The following BCOR variants were observed in gnomAD, a reference collection of about 807,000 sequenced individuals.
BCOR encodes the protein BCL6 corepressor.
BCOR carries 10 observed loss-of-function variants against 86.7 expected under a neutral mutation model. The ratio of observed to expected loss-of-function variants is 0.12; its 90% CI spans 0.07 to 0.20. The LOEUF (loss-of-function observed/expected upper bound fraction) is 0.20. Ranked by LOEUF, BCOR falls within the 10% of genes least tolerant of loss-of-function variation. The pLI is 1.00. For synonymous variants in BCOR, 611 were observed against 609.0 expected, an observed-to-expected ratio of 1.00 and a Z score of -0.05; for missense variants, 1,259 against 1,452.1, an observed-to-expected ratio of 0.87 and a Z score of 2.16.
chrX:40,081,491 G>A (rs996269633), intron 1 of BCOR, among the ~76,000 whole-genome samples: 1 of 112,657 alleles, frequency 8.9e-6, no homozygotes, highest in African/African-American at 3.2e-5. Context: ...ACCCTTGGCA[G>A]CGGAACACTG....
At chrX:40,071,780 A>C (rs2147190670) in intron 4 of BCOR, 90 bp from the exon 5 acceptor site, 1 of 631,188 alleles carries the variant, frequency 1.6e-6, no homozygotes, top group South Asian at 2.5e-5. Flanking sequence ...TAACATTGCA[A>C]AACAATTTGG....
At position 40,160,744 on chromosome X, in the gene BCOR, A is replaced by G. The variant is rs772754689; in HGVS notation, c.-41+16263T>C. 2.5e-3 allele frequency among the ~76,000 whole-genome samples: 244 copies of G among 97,454 alleles called. 2 individuals carry two copies. Among genetic ancestry groups the G allele is most frequent in the African/African-American group, 8.9e-3 (233 of 26,056 alleles). 84.6% of individuals were successfully genotyped at this position (97,454 alleles called of 115,157 possible). A position where few individuals can be genotyped will look rare whatever the true frequency, so the allele number is the denominator to read the frequency against. On this transcript the variant is annotated intron_variant, in intron 1 of 14. Coordinates refer to the BCOR transcript ENST00000342274. ...AGTGGCACAATCTCGGCTTACTGCA[A>G]CCTCCACCTCCCAGGTTCAAACAAT...
chrX:40,112,362 G>A (rs770207795), intron 1 of BCOR, among the ~76,000 whole-genome samples: 4 of 110,613 alleles, frequency 3.6e-5, no homozygotes, highest in Non-Finnish European at 7.6e-5. Context: ...TTGCATCTAC[G>A]CTCAGCTTAA....
chrX:40,115,928 A>G (rs1195033239), intron 1 of BCOR, among the ~76,000 whole-genome samples: 4 of 111,593 alleles, frequency 3.6e-5, no homozygotes, highest in Non-Finnish European at 7.5e-5. Context: ...TTGCCCTTTC[A>G]TATTCCTGGG....
intron 1 of BCOR, among the ~76,000 whole-genome samples, chrX:40,154,336 T>A (rs1233906630): frequency 9.2e-6 from 1 of 108,690 alleles, no homozygotes; most frequent in East Asian, 3.0e-4. Context: ...TCGCGGAGTG[T>A]ACAGATGTGA....
intron 1 of BCOR, among the ~76,000 whole-genome samples, chrX:40,096,405 A>G (rs1335782464): frequency 8.9e-6 from 1 of 111,983 alleles, no homozygotes; most frequent in African/African-American, 3.2e-5. Context: ...GGAAAGCGGG[A>G]GGGGGATCGC....
chrX:40,122,207 G>A (rs748854678), intron 1 of BCOR, among the ~76,000 whole-genome samples: 1 of 111,441 alleles, frequency 9.0e-6, no homozygotes, highest in South Asian at 3.8e-4. Context: ...TTTGCCAGGG[G>A]TACATGCATC....
chrX:40,085,962 T>C (rs769044333), intron 1 of BCOR, among the ~76,000 whole-genome samples: 2 of 112,018 alleles, frequency 1.8e-5, no homozygotes, highest in Non-Finnish European at 3.8e-5. Flanking sequence ...CCTGTTGCTG[T>C]GGGCATCTAG....
intron 1 of BCOR, among the ~76,000 whole-genome samples, chrX:40,123,731 C>T (rs1057135050): frequency 9.0e-6 from 1 of 110,788 alleles, no homozygotes; most frequent in African/African-American, 3.3e-5. Context: ...ATTTATCTGG[C>T]TCTGGAAGTG....
chrX:40,118,906 C>G (rs1433418340), intron 1 of BCOR, among the ~76,000 whole-genome samples: 1 of 112,561 alleles, frequency 8.9e-6, no homozygotes, highest in African/African-American at 3.2e-5. Flanking sequence ...GATCTTGGCT[C>G]ACTGCAATCT....
intron 6 of BCOR, among the ~76,000 whole-genome samples, chrX:40,069,368 T>C (rs1208176373): frequency 1.8e-5 from 2 of 112,165 alleles, no homozygotes; most frequent in Non-Finnish European, 3.8e-5. Context: ...GAACACAGCC[T>C]GTTGGTATGA....
chrX:40,074,319 C>T lies in BCOR; in HGVS notation c.1027G>A (p.Val343Ile), dbSNP rs1232230451. 1.7e-6 allele frequency: 2 copies of T among 1,210,608 alleles called. No individual in the cohort carries two copies. The highest frequency in any genetic ancestry group is 3.0e-5 in the East Asian group (1 of 33,778). Residue 343 changes from valine (V) to isoleucine (I), a missense_variant, in exon 4 of 15, where the codon GTC becomes ATC. Val to Ile is a conservative substitution (Grantham distance 29, BLOSUM62 3). Around this residue, in one of 7 missense-constraint regions of BCOR, gnomAD observed 534 missense variants for 594.8 expected, o/e 0.90. Transcript: ENST00000378444. Reference protein sequence around the residue: ...LPPSPRPSPRVHLPTQPAADT... With the variant: ...LPPSPRPSPRIHLPTQPAADT... ...GCAGCAGGCTGGGTGGGAAGGTGGA[C>T]TCGGGGTGACGGCCGAGGCGAGGGG...
intron 12 of BCOR, among the ~76,000 whole-genome samples, chrX:40,055,097 G>A (rs1934527454): frequency 8.9e-6 from 1 of 112,375 alleles, no homozygotes. Flanking sequence ...CCAGACTCAA[G>A]ATGTAAACCT....
At chrX:40,150,934 G>A (rs1357481956) in intron 1 of BCOR, among the ~76,000 whole-genome samples, 1 of 112,402 alleles carries the variant, frequency 8.9e-6, no homozygotes, top group South Asian at 3.7e-4. Context: ...CGAGCTCTGG[G>A]CCTCTTACAG....
In BCOR at chrX:40,097,891, G is replaced by T. The variant is rs1202098451; in HGVS notation, c.-717C>A. On this transcript the variant is annotated 5_prime_UTR_variant, in exon 1 of 15. Transcript: ENST00000378444. The stretch of plus-strand genomic sequence containing the variant: ...TGCGCGTCTCCCCCGCAGCCGCCGA[G>T]CTCGGCCCGCGTTCAGCGAGGAGCG... Among the ~76,000 whole-genome samples, 1 of 109,240 alleles carries T rather than the reference G, an allele frequency of 9.2e-6. No individual in the cohort carries two copies. Among genetic ancestry groups the T allele is most frequent in the Non-Finnish European group, 1.9e-5 (1 of 52,071 alleles). The allele number at this position is 109,240 out of a possible 115,157, so 94.9% of individuals were successfully genotyped here.
At chrX:40,093,595 C>T (rs2147657929) in intron 1 of BCOR, among the ~76,000 whole-genome samples, 1 of 112,438 alleles carries the variant, frequency 8.9e-6, no homozygotes, top group African/African-American at 3.2e-5. Flanking sequence ...CAGTGTCCAG[C>T]TCCTCTTTGG....
chrX:40,139,474 T>A (rs866595059), intron 1 of BCOR, among the ~76,000 whole-genome samples: 1 of 11,154 alleles, frequency 9.0e-5, no homozygotes, highest in Non-Finnish European at 1.2e-4. Context: ...TATATATATA[T>A]ATATATATAT....
chrX:40,063,010 G>C lies in BCOR; in HGVS notation c.3909C>G (p.Gly1303=), dbSNP rs1934978091. The change falls in exon 9 of 15, where the codon GGC becomes GGG. Residue 1303 remains glycine (G), a synonymous_variant. Transcript: ENST00000378444. The part of the protein sequence containing the change: ...MKSLSSTSAG[G]KKQAQPSCAP... Reference sequence around the variant, plus strand: ...CGCAGCTTGGCTGAGCCTGCTTTTTGCCGCCTGCACTGGTGGATGAAAGAC... The same window carrying C: ...CGCAGCTTGGCTGAGCCTGCTTTTTCCCGCCTGCACTGGTGGATGAAAGAC... 1.7e-6 allele frequency: 2 copies of C among 1,166,338 alleles called. No individual in the cohort carries two copies. The highest frequency in any genetic ancestry group is 2.3e-6 in the Non-Finnish European group (2 of 872,556).
intron 1 of BCOR, among the ~76,000 whole-genome samples, chrX:40,093,065 A>T (rs1243060458): frequency 8.9e-6 from 1 of 112,445 alleles, no homozygotes; most frequent in Admixed American, 9.4e-5. Context: ...GAACGCACTT[A>T]CAGAAATTCT....
Sources: allele counts gnomAD v4.1 joint callset (sites outside exome capture counted in the v4.1 genomes callset), GRCh38; gene constraint gnomAD v4.1.1; regional missense constraint gnomAD v4.1.1; transcripts MANE v1.5; gene names NCBI Gene and HGNC (gene_info 2026-07-23, HGNC 2026-07-21).